HCN1: variants seen among roughly 807,000 people sequenced by gnomAD.
HCN1 encodes hyperpolarization activated cyclic nucleotide gated potassium channel 1.
HCN1 carries 13 observed loss-of-function variants against 78.9 expected under a neutral mutation model. The observed-to-expected ratio is 0.16, with a 90% CI of 0.11 to 0.26. The LOEUF (loss-of-function observed/expected upper bound fraction) is 0.26, where lower values mean the gene tolerates loss of function less well. Among genes scored for constraint, HCN1 ranks in the 10% least tolerant of loss-of-function variants. The pLI is 1.00. For missense variants in HCN1, 810 were observed against 1,154.3 expected (o/e 0.70, Z 4.32); for synonymous variants, 552 against 455.5 (o/e 1.21, Z -2.70).
chr5:45,431,713 T>C (rs1259314126), intron 3 of HCN1, among the ~76,000 whole-genome samples: 1 of 152,174 alleles, frequency 6.6e-6, no homozygotes, highest in Non-Finnish European at 1.5e-5. Flanking sequence ...TTGCTTGTTT[T>C]TGTCAACTTT....
At chr5:45,270,328 C>T (rs1744936677) in intron 6 of HCN1, among the ~76,000 whole-genome samples, 1 of 152,168 alleles carries the variant, frequency 6.6e-6, no homozygotes, top group Admixed American at 6.5e-5. Flanking sequence ...GCCTTAGCTG[C>T]AAGAAAGGAT....
chr5:45,363,923 G>A (rs1747177764), intron 4 of HCN1, among the ~76,000 whole-genome samples: 1 of 151,904 alleles, frequency 6.6e-6, no homozygotes, highest in Non-Finnish European at 1.5e-5. Context: ...GCGTAAAAAT[G>A]GGCTAATACA....
intron 4 of HCN1, among the ~76,000 whole-genome samples, chr5:45,375,490 CAT>C (rs1747609472): frequency 1.4e-5 from 1 of 73,336 alleles, no homozygotes; most frequent in Non-Finnish European, 2.1e-5. Flanking sequence ...TTTTATGATA[CAT>C]ATTATATATA....
intron 3 of HCN1, among the ~76,000 whole-genome samples, chr5:45,415,378 C>A (rs938331809): frequency 6.6e-6 from 1 of 152,040 alleles, no homozygotes; most frequent in South Asian, 2.1e-4. Flanking sequence ...GTAAGTTGAA[C>A]CTCTCATGAG....
At chr5:45,501,806 G>C (rs1205206708) in intron 2 of HCN1, among the ~76,000 whole-genome samples, 1 of 151,956 alleles carries the variant, frequency 6.6e-6, no homozygotes, top group East Asian at 1.9e-4. Flanking sequence ...TTGATTATGT[G>C]CTCCTTTACC....
chr5:45,587,554 TA>T (rs1744258408), intron 2 of HCN1, among the ~76,000 whole-genome samples: 1 of 75,400 alleles, frequency 1.3e-5, no homozygotes, highest in Non-Finnish European at 2.6e-5. Flanking sequence ...TCTTGTGGGG[TA>T]GGGGGAGGGG....
Position 45,367,414 on chromosome 5 carries a change from T to C in HCN1, c.1231-14168A>G, listed in dbSNP as rs1335942927. ...ATGAATTTCTGAATGTAAGACTATATATGTAACATAAATTGAACAATACTT... is the reference window on the plus strand; with the variant it reads ...ATGAATTTCTGAATGTAAGACTATACATGTAACATAAATTGAACAATACTT... On this transcript the variant is annotated intron_variant, in intron 4 of 7. Coordinates refer to ENST00000303230, the MANE Select transcript of HCN1 (RefSeq NM_021072.4). Among the ~76,000 whole-genome samples the C allele has an allele frequency of 2.0e-5, 3 of 151,930 alleles. No individual in the cohort carries two copies. In the South Asian group the frequency reaches 6.2e-4, roughly 31 times the overall value.
intron 2 of HCN1, among the ~76,000 whole-genome samples, chr5:45,525,396 G>A (rs1742716045): frequency 6.6e-6 from 1 of 151,684 alleles, no homozygotes; most frequent in Non-Finnish European, 1.5e-5. Context: ...AATATACAAA[G>A]AAAAACTGGG....
rs67020505 is a variant in HCN1, at chr5:45,561,598, G to GAA, written c.849+83585_849+83586dup. Among the ~76,000 whole-genome samples the GAA allele has an allele frequency of 3.0e-4, 43 of 142,162 alleles. 2 individuals carry two copies. Among genetic ancestry groups the GAA allele is most frequent in the East Asian group, 2.9e-3 (14 of 4,872 alleles). 93.3% of individuals were successfully genotyped at this position (142,162 alleles called of 152,430 possible). ...TTTGTCCCTGGCTCCTGAGAAAAAAGAAAAAAAAAAAACCCAGGTAAGACG... is the reference window on the plus strand; with the variant it reads ...TTTGTCCCTGGCTCCTGAGAAAAAAGAAAAAAAAAAAAAACCCAGGTAAGACG... On this transcript the variant is annotated intron_variant, in intron 2 of 7. Coordinates refer to ENST00000303230, the MANE Select transcript of HCN1 (RefSeq NM_021072.4).
chr5:45,272,932 A>T (rs901548474), intron 6 of HCN1, among the ~76,000 whole-genome samples: 2 of 152,092 alleles, frequency 1.3e-5, no homozygotes, highest in African/African-American at 2.4e-5. Flanking sequence ...TTGTCTTGGC[A>T]TACTTTCTAG....
At chr5:45,609,834 C>A (rs1561218970) in intron 2 of HCN1, among the ~76,000 whole-genome samples, 1 of 152,096 alleles carries the variant, frequency 6.6e-6, no homozygotes, top group East Asian at 1.9e-4. Flanking sequence ...ACTAACCCTG[C>A]CTGAGGGGAT....
intron 5 of HCN1, among the ~76,000 whole-genome samples, chr5:45,312,243 A>C (rs1254508060): frequency 1.3e-5 from 2 of 152,228 alleles, no homozygotes; most frequent in Middle Eastern, 3.2e-3. Flanking sequence ...GGTAGTGCTA[A>C]GATTTTAAAT....
chr5:45,523,680 G>A (rs1384381684), intron 2 of HCN1, among the ~76,000 whole-genome samples: 1 of 151,972 alleles, frequency 6.6e-6, no homozygotes, highest in East Asian at 1.9e-4. Context: ...GTCTGTTCAT[G>A]TCCTTCGCCC....
chr5:45,551,264 A>G (rs1361435972), intron 2 of HCN1, among the ~76,000 whole-genome samples: 1 of 151,958 alleles, frequency 6.6e-6, no homozygotes, highest in Admixed American at 6.6e-5. Flanking sequence ...AATAGACAGC[A>G]AACTAATGAC....
intron 3 of HCN1, among the ~76,000 whole-genome samples, chr5:45,439,856 G>A (rs1208801887): frequency 6.6e-6 from 1 of 151,308 alleles, no homozygotes; most frequent in African/African-American, 2.4e-5. Flanking sequence ...AGGAAGGTAC[G>A]AAGAAACATA....
chr5:45,412,346 G>T (rs1740039903), intron 3 of HCN1, among the ~76,000 whole-genome samples: 1 of 152,050 alleles, frequency 6.6e-6, no homozygotes, highest in African/African-American at 2.4e-5. Flanking sequence ...GGCTGGCCTA[G>T]AAGAAGTGTA....
chr5:45,400,076 T>A (rs1454328268), intron 3 of HCN1, among the ~76,000 whole-genome samples: 1 of 152,138 alleles, frequency 6.6e-6, no homozygotes, highest in Non-Finnish European at 1.5e-5. Flanking sequence ...AAATGTAAAA[T>A]CTAATTCAAG....
intron 1 of HCN1, among the ~76,000 whole-genome samples, chr5:45,693,309 A>AAATACCACAT (rs1435795397): frequency 7.2e-4 from 109 of 152,060 alleles, no homozygotes; most frequent in African/African-American, 2.6e-3. Flanking sequence ...CAAGTACATG[A>AAATACCACAT]TTATTTTTGC....
At chr5:45,598,140 G>A (rs1040051957) in intron 2 of HCN1, among the ~76,000 whole-genome samples, 2 of 152,122 alleles carry the variant, frequency 1.3e-5, no homozygotes, top group African/African-American at 4.8e-5. Flanking sequence ...AAAGCTGGAG[G>A]CATGACGATA....
Sources: allele counts gnomAD v4.1 joint callset (sites outside exome capture counted in the v4.1 genomes callset), GRCh38; gene constraint gnomAD v4.1.1; transcripts MANE v1.5; gene names NCBI Gene and HGNC (gene_info 2026-07-23, HGNC 2026-07-21).